The following FHIT variants were observed in gnomAD, a reference collection of about 807,000 sequenced individuals.
The protein encoded by FHIT is fragile histidine triad diadenosine triphosphatase.
A neutral mutation model predicts 17.9 loss-of-function variants in FHIT; 19 were observed. The observed-to-expected ratio is 1.06, with a 90% CI of 0.74 to 1.56. The LOEUF is 1.56. FHIT is among the 40% of genes most tolerant of loss of function. FHIT has a pLI of 0.00. For missense variants in FHIT, 248 were observed against 189.2 expected (o/e 1.31, Z -1.82); for synonymous variants, 81 against 69.7 (o/e 1.16, Z -0.81).
intron 5 of FHIT, among the ~76,000 whole-genome samples, chr3:60,392,994 T>C (rs768846221): frequency 4.6e-5 from 7 of 152,144 alleles, no homozygotes; most frequent in Non-Finnish European, 7.4e-5. Context: ...CTCTCCACCA[T>C]GACAATGCTC....
chr3:60,118,440 T>C (rs1705081384), intron 5 of FHIT, among the ~76,000 whole-genome samples: 1 of 151,998 alleles, frequency 6.6e-6, no homozygotes, highest in African/African-American at 2.4e-5. Context: ...ACTTTTAAAA[T>C]TCAAATATAG....
intron 1 of FHIT, among the ~76,000 whole-genome samples, chr3:61,204,582 G>T (rs76306808): frequency 0.019 from 2,846 of 152,196 alleles, 83 homozygotes; most frequent in African/African-American, 0.064. Flanking sequence ...TTTTAACTAA[G>T]TCCAGCTGTG....
chr3:59,807,105 C>G (rs72888505), intron 8 of FHIT, among the ~76,000 whole-genome samples: 1 of 152,090 alleles, frequency 6.6e-6, no homozygotes, highest in African/African-American at 2.4e-5. Flanking sequence ...AGAACACACA[C>G]AGATTTCTCT....
chr3:60,649,298 T>G (rs1298003126), intron 4 of FHIT, among the ~76,000 whole-genome samples: 2 of 151,734 alleles, frequency 1.3e-5, no homozygotes, highest in African/African-American at 4.8e-5. Flanking sequence ...TACTCAGGAG[T>G]CTGAGGCAGG....
At position 60,319,984 on chromosome 3, in the gene FHIT, G is replaced by A. The variant is rs867231596; in HGVS notation, c.103+216876C>T. 3.9e-5 allele frequency among the ~76,000 whole-genome samples: 6 copies of A among 152,194 alleles called. No homozygotes were observed. The South Asian group carries it at 6.2e-4, about 16-fold the overall frequency. ...AGCTCTCACAAAACCGCAGTCACTG[G>A]GGGCTCTTTCAGTACCTCAATTTAA... On this transcript the variant is annotated intron_variant, in intron 5 of 9. Coordinates refer to ENST00000492590, the MANE Select transcript of FHIT (RefSeq NM_002012.4).
At chr3:60,136,341 T>C (rs778401222) in intron 5 of FHIT, among the ~76,000 whole-genome samples, 26 of 152,130 alleles carry the variant, frequency 1.7e-4, no homozygotes, top group Non-Finnish European at 3.4e-4. Flanking sequence ...TATATTCTTC[T>C]TCATCCCATA....
intron 4 of FHIT, among the ~76,000 whole-genome samples, chr3:60,797,679 T>C (rs1701032631): frequency 2.0e-5 from 3 of 149,950 alleles, no homozygotes. Context: ...ATACATGAAA[T>C]CTGATACCAA....
intron 5 of FHIT, among the ~76,000 whole-genome samples, chr3:60,242,997 G>A (rs965022253): frequency 3.3e-5 from 5 of 151,332 alleles, no homozygotes; most frequent in African/African-American, 1.2e-4. Context: ...ATTTTCAAGT[G>A]AACCACAATG....
At chr3:61,188,266 C>T (rs2038589382) in intron 2 of FHIT, among the ~76,000 whole-genome samples, 5 of 152,138 alleles carry the variant, frequency 3.3e-5, no homozygotes, top group South Asian at 2.1e-4. Context: ...ACCGATCCCA[C>T]GGAAATACAA....
chr3:61,208,313 T>C (rs1270687551), intron 1 of FHIT, among the ~76,000 whole-genome samples: 1 of 152,130 alleles, frequency 6.6e-6, no homozygotes, highest in African/African-American at 2.4e-5. Context: ...TGGAGAGTTC[T>C]CTAGATGTCT....
intron 1 of FHIT, among the ~76,000 whole-genome samples, chr3:61,215,221 GT>G (rs1367794702): frequency 6.6e-6 from 1 of 151,974 alleles, no homozygotes; most frequent in Non-Finnish European, 1.5e-5. Context: ...TGGACAAATT[GT>G]CCCTGTTTGC....
At chr3:60,226,479 A>AAAAAAAAAAAAC (rs1704207606) in intron 5 of FHIT, among the ~76,000 whole-genome samples, 1 of 150,764 alleles carries the variant, frequency 6.6e-6, no homozygotes, top group Admixed American at 6.6e-5. Flanking sequence ...TCTCAAAAAA[A>AAAAAAAAAAAAC]AAAAAAAAAA....
chr3:59,792,708 C>T (rs1431382720), intron 8 of FHIT, among the ~76,000 whole-genome samples: 2 of 152,132 alleles, frequency 1.3e-5, no homozygotes, highest in African/African-American at 4.8e-5. Context: ...TGACAACAAT[C>T]ATGATAATTT....
intron 2 of FHIT, among the ~76,000 whole-genome samples, chr3:61,135,580 CG>C (rs2036891989): frequency 3.6e-5 from 4 of 110,008 alleles, no homozygotes; most frequent in Non-Finnish European, 6.9e-5. Flanking sequence ...TCCTTGTGTT[CG>C]AACACACACA....
intron 4 of FHIT, among the ~76,000 whole-genome samples, chr3:60,599,669 C>T (rs2038379502): frequency 8.8e-6 from 1 of 113,984 alleles, no homozygotes; most frequent in Admixed American, 1.1e-4. Context: ...AAGTAAAATG[C>T]TAAAAAGGAC....
intron 2 of FHIT, among the ~76,000 whole-genome samples, chr3:61,073,042 A>T (rs1323425573): frequency 1.3e-5 from 2 of 152,158 alleles, no homozygotes; most frequent in Non-Finnish European, 2.9e-5. Flanking sequence ...CCAAGGAAAG[A>T]CATGTGCTGT....
chr3:60,736,395 T>C (rs2042133590), intron 4 of FHIT, among the ~76,000 whole-genome samples: 1 of 152,112 alleles, frequency 6.6e-6, no homozygotes, highest in African/African-American at 2.4e-5. Flanking sequence ...AAACCTTAAA[T>C]TTCCATTTAC....
chr3:60,467,890 A>G (rs549610929), intron 5 of FHIT, among the ~76,000 whole-genome samples: 6 of 152,216 alleles, frequency 3.9e-5, no homozygotes, highest in African/African-American at 9.6e-5. Flanking sequence ...GATATTTCCA[A>G]TGCTGACAGT....
chr3:60,307,816 C>T (rs760323), intron 5 of FHIT, among the ~76,000 whole-genome samples: 84,383 of 151,720 alleles, frequency 0.56, 24,457 homozygotes, highest in East Asian at 0.96. Flanking sequence ...GTGCCCAGAC[C>T]CTCAAGGCAA....
Sources: allele counts gnomAD v4.1 joint callset (sites outside exome capture counted in the v4.1 genomes callset), GRCh38; gene constraint gnomAD v4.1.1; transcripts MANE v1.5; gene names NCBI Gene and HGNC (gene_info 2026-07-23, HGNC 2026-07-21).